Variants in CHIC1 observed in about 807,000 individuals in gnomAD.
CHIC1 encodes cysteine rich hydrophobic domain 1, also known as cysteine-rich hydrophobic domain-containing protein 1.
Under a neutral mutation model 18.5 loss-of-function variants are expected in CHIC1, and 7 were observed. That is an observed-to-expected ratio of 0.38 (90% confidence interval 0.22 to 0.71). CHIC1 has a LOEUF of 0.71. CHIC1 is among the 30% of genes least tolerant of loss of function. The pLI is 0.49. For missense variants in CHIC1, 159 were observed against 176.9 expected, an observed-to-expected ratio of 0.90 and a Z score of 0.57; for synonymous variants, 77 against 73.5, an observed-to-expected ratio of 1.05 and a Z score of -0.25.
intron 3 of CHIC1, among the ~76,000 whole-genome samples, chrX:73,677,768 C>T (rs940650858): frequency 3.6e-5 from 4 of 112,135 alleles, no homozygotes; most frequent in Non-Finnish European, 7.5e-5. Flanking sequence ...TCTGGCCCTC[C>T]CCAGTGAGAT....
chrX:73,620,148 C>G (rs1351007791), intron 3 of CHIC1, among the ~76,000 whole-genome samples: 1 of 112,003 alleles, frequency 8.9e-6, no homozygotes, highest in East Asian at 2.8e-4. Flanking sequence ...CTATTGTGAA[C>G]AGTGCTGCAA....
In CHIC1 at chrX:73,625,717, G is replaced by T. The variant is rs771832666; in HGVS notation, c.507+41145G>T. ...TTTTAGCCGACAGGGACTTTATTGA[G>T]AGGATCCTCTAACCCCCTAAATCTT... On this transcript the variant is annotated intron_variant, in intron 3 of 5. Transcript: ENST00000373502. Among the ~76,000 whole-genome samples the T allele has an allele frequency of 3.5e-4, 39 of 111,207 alleles. 2 individuals are homozygous for T. In the South Asian group the frequency reaches 0.015, roughly 43 times the overall value.
intron 3 of CHIC1, among the ~76,000 whole-genome samples, chrX:73,616,193 G>T (rs942496011): frequency 1.8e-5 from 2 of 111,252 alleles, no homozygotes; most frequent in African/African-American, 6.5e-5. Flanking sequence ...CCTCTATGGA[G>T]CAGTGCCTTC....
Position 73,686,932 on chromosome X carries a change from G to A in CHIC1, c.*5927G>A, listed in dbSNP as rs1329212087. The A allele has an allele frequency of 9.0e-6, 1 of 111,193 alleles. No homozygotes were observed. The highest frequency in any genetic ancestry group is 1.9e-5 in the Non-Finnish European group (1 of 52,818). The allele number at this position is 111,193 out of a possible 1,213,427, so 9.2% of individuals were successfully genotyped here. On this transcript the variant is annotated 3_prime_UTR_variant, in exon 6 of 6. Transcript: ENST00000373502. ...GGAATGAATTCATTTTTTCTCCCTT[G>A]AGTCCAGGAATGACTTCCCTGGAAA...
At chrX:73,612,565 C>T (rs1184896505) in intron 3 of CHIC1, among the ~76,000 whole-genome samples, 1 of 111,419 alleles carries the variant, frequency 9.0e-6, no homozygotes, top group African/African-American at 3.3e-5. Context: ...CTTGTTAACC[C>T]CATGGTCATT....
At chrX:73,605,731 T>A (rs1426547166) in intron 3 of CHIC1, among the ~76,000 whole-genome samples, 2 of 108,841 alleles carry the variant, frequency 1.8e-5, no homozygotes, top group Non-Finnish European at 3.8e-5. Flanking sequence ...GTAGAGGATT[T>A]TATTTCTCCT....
chrX:73,660,865 C>T (rs997342448), intron 3 of CHIC1, among the ~76,000 whole-genome samples: 12 of 111,889 alleles, frequency 1.1e-4, no homozygotes, highest in African/African-American at 2.6e-4. Flanking sequence ...TTCCATAAAA[C>T]GGTGGGCTTT....
At chrX:73,671,486 C>T (rs1307513901) in intron 3 of CHIC1, among the ~76,000 whole-genome samples, 1 of 111,338 alleles carries the variant, frequency 9.0e-6, no homozygotes, top group East Asian at 2.8e-4. Context: ...CTTGTTTTTC[C>T]TGCCTAGGTT....
At chrX:73,633,491 A>G (rs895982905) in intron 3 of CHIC1, among the ~76,000 whole-genome samples, 11 of 111,630 alleles carry the variant, frequency 9.9e-5, no homozygotes, top group Non-Finnish European at 1.9e-4. Flanking sequence ...TGACAATTTC[A>G]TTAAAACATG....
chrX:73,644,836 G>T (rs1453101668), intron 3 of CHIC1, among the ~76,000 whole-genome samples: 3 of 111,325 alleles, frequency 2.7e-5, no homozygotes, highest in Non-Finnish European at 5.7e-5. Flanking sequence ...GCAGTATTAG[G>T]GTGGGAGTGA....
At chrX:73,591,721 G>T (rs1256913332) in intron 3 of CHIC1, among the ~76,000 whole-genome samples, 1 of 111,483 alleles carries the variant, frequency 9.0e-6, no homozygotes, top group Non-Finnish European at 1.9e-5. Context: ...AAAGGTGTAA[G>T]GTATGTGAAT....
chrX:73,672,549 T>C (rs1316999435), intron 3 of CHIC1, among the ~76,000 whole-genome samples: 8 of 112,732 alleles, frequency 7.1e-5, no homozygotes, highest in Non-Finnish European at 1.1e-4. Context: ...AAGTGTTTTT[T>C]GGCTGCATAA....
intron 3 of CHIC1, among the ~76,000 whole-genome samples, chrX:73,645,197 A>T (rs367950753): frequency 8.9e-6 from 1 of 112,591 alleles, no homozygotes; most frequent in East Asian, 2.8e-4. Context: ...TTATCACTTA[A>T]CATAATGTCT....
In CHIC1 at chrX:73,589,443, C is replaced by T. The variant is rs572220617; in HGVS notation, c.507+4871C>T. Among the ~76,000 whole-genome samples the T allele has an allele frequency of 3.6e-4, 40 of 110,709 alleles. No homozygotes were observed. In the Middle Eastern group the frequency reaches 0.019, roughly 52 times the overall value. On this transcript the variant is annotated intron_variant, in intron 3 of 5. Coordinates refer to ENST00000373502, the MANE Select transcript of CHIC1 (RefSeq NM_001039840.4). Reference sequence around the variant, plus strand: ...TTATTTTCTTAGTTGTTACAATTAACATCTTAAACTTATAACACACTAGTT... The same window carrying T: ...TTATTTTCTTAGTTGTTACAATTAATATCTTAAACTTATAACACACTAGTT...
intron 3 of CHIC1, among the ~76,000 whole-genome samples, chrX:73,677,585 G>T (rs1411813003): frequency 8.9e-6 from 1 of 112,090 alleles, no homozygotes; most frequent in Non-Finnish European, 1.9e-5. Context: ...AAGCCCGTTG[G>T]AAAAGCGCAG....
intron 3 of CHIC1, among the ~76,000 whole-genome samples, chrX:73,586,189 TG>T (rs973257062): frequency 9.0e-6 from 1 of 111,610 alleles, no homozygotes; most frequent in African/African-American, 3.3e-5. Flanking sequence ...CAGTTGGCTC[TG>T]AGTAGTGGCT....
intron 3 of CHIC1, among the ~76,000 whole-genome samples, chrX:73,651,192 A>T (rs2057914583): frequency 8.9e-6 from 1 of 112,024 alleles, no homozygotes; most frequent in Admixed American, 9.5e-5. Flanking sequence ...ATATCTCAAT[A>T]ATTTATAGAT....
chrX:73,686,816 T>G lies in CHIC1; in HGVS notation c.*5811T>G, dbSNP rs971136134. ...TTTCAACTTTTTGTCAGAGGATTCCTGTTGGGACAGCTTTACCAGAAAAGA... is the reference window on the plus strand; with the variant it reads ...TTTCAACTTTTTGTCAGAGGATTCCGGTTGGGACAGCTTTACCAGAAAAGA... On this transcript the variant is annotated 3_prime_UTR_variant, in exon 6 of 6. Transcript: ENST00000373502. 3 of 111,621 alleles carry G rather than the reference T, an allele frequency of 2.7e-5. No individual in the cohort carries two copies. The highest frequency in any genetic ancestry group is 9.7e-5 in the African/African-American group (3 of 30,789). The allele number at this position is 111,621 out of a possible 1,213,427, so 9.2% of individuals were successfully genotyped here.
At chrX:73,584,987 A>G in intron 3 of CHIC1, among the ~76,000 whole-genome samples, 1 of 111,767 alleles carries the variant, frequency 8.9e-6, no homozygotes. Context: ...TAAACATGTT[A>G]CAATAACATG....
Sources: gnomAD v4.1 joint callset for allele counts (sites outside exome capture counted in the v4.1 genomes callset) on GRCh38, gnomAD v4.1.1 for gene constraint, MANE v1.5 for transcripts, NCBI Gene and HGNC (gene_info 2026-07-23, HGNC 2026-07-21) for gene names.